The following DAB2IP variants were observed in gnomAD, a reference collection of about 807,000 sequenced individuals.
DAB2IP encodes DAB2 interacting protein, also known as disabled homolog 2-interacting protein.
In DAB2IP, 28 loss-of-function variants were observed where a neutral mutation model predicts 107.2. The ratio of observed to expected loss-of-function variants is 0.26; its 90% confidence interval spans 0.19 to 0.36. The LOEUF (loss-of-function observed/expected upper bound fraction) is 0.36, where lower values mean the gene tolerates loss of function less well. Ranked by LOEUF, DAB2IP falls within the 10% of genes least tolerant of loss-of-function variation. The pLI, the probability that DAB2IP is intolerant of heterozygous loss-of-function variation, is 1.00. For synonymous variants in DAB2IP, 755 were observed against 706.4 expected, an observed-to-expected ratio of 1.07 and a Z score of -1.09; for missense variants, 1,400 against 1,644.7, an observed-to-expected ratio of 0.85 and a Z score of 2.57.
At chr9:121,584,440 T>A (rs1401337560) in intron 1 of DAB2IP, among the ~76,000 whole-genome samples, 1 of 150,490 alleles carries the variant, frequency 6.6e-6, no homozygotes. Flanking sequence ...AAATGGGAGT[T>A]CCATGGCTCA....
chr9:121,768,846 C>G (rs1438608495), intron 10 of DAB2IP, among the ~76,000 whole-genome samples: 3 of 152,228 alleles, frequency 2.0e-5, no homozygotes, highest in Admixed American at 6.5e-5. Context: ...CTGCCCCACT[C>G]TGGGTACTAG....
At position 121,699,480 on chromosome 9, in the gene DAB2IP, G is replaced by T. The variant is rs1829647270; in HGVS notation, c.362+22G>T. 1.6e-6 allele frequency: 2 copies of T among 1,288,920 alleles called. No individual in the cohort carries two copies. The highest frequency in any genetic ancestry group is 1.6e-5 in the African/African-American group (1 of 62,518). The allele number at this position is 1,288,920 out of a possible 1,614,324, so 79.8% of individuals were successfully genotyped here. On this transcript the variant is annotated intron_variant, in intron 3 of 15. Transcript: ENST00000408936. The surrounding 1 kb of genome is among the most constrained non-coding windows in gnomAD (Gnocchi z 6.2). ...AGAGGTGAGCCCGCCGCCGCCGCCC[G>T]GTCCCCCGCGCCGCCGCCCCGGGCT...
Position 121,772,574 on chromosome 9 carries a change from C to T in DAB2IP, c.2079-33C>T, listed in dbSNP as rs1588001524. On this transcript the variant is annotated intron_variant, in intron 11 of 15. Coordinates refer to ENST00000408936, the Ensembl canonical transcript of DAB2IP. This position sits in a 1 kb window ranked among gnomAD's most constrained non-coding sequence, Gnocchi z 4.7. ...CTGCACTCACAGTTCTTCTTTTCCCCTTCTTTCCCTGTGTGTGCTTGTCTC... is the reference window on the plus strand; with the variant it reads ...CTGCACTCACAGTTCTTCTTTTCCCTTTCTTTCCCTGTGTGTGCTTGTCTC... 6 of 1,583,312 alleles carry T rather than the reference C, an allele frequency of 3.8e-6. No homozygotes were observed. Among genetic ancestry groups the T allele is most frequent in the East Asian group, 2.2e-5 (1 of 44,452 alleles).
chr9:121,750,166 C>T (rs1165441987), intron 3 of DAB2IP, among the ~76,000 whole-genome samples: 1 of 152,148 alleles, frequency 6.6e-6, no homozygotes, highest in African/African-American at 2.4e-5. Flanking sequence ...GAAACTGAGT[C>T]CTAGAGAGTC....
chr9:121,691,238 T>C (rs117973345), intron 2 of DAB2IP, among the ~76,000 whole-genome samples: 2,112 of 152,120 alleles, frequency 0.014, 22 homozygotes, highest in Middle Eastern at 0.024. Context: ...TACAGTCCAG[T>C]ATGGGGTGGG....
intron 1 of DAB2IP, among the ~76,000 whole-genome samples, chr9:121,668,196 ATT>A (rs11314701): frequency 1.6e-3 from 230 of 142,524 alleles, no homozygotes; most frequent in Non-Finnish European, 1.7e-3. Flanking sequence ...GCTGTTGTTG[ATT>A]TTTTTTTTTT....
intron 1 of DAB2IP, among the ~76,000 whole-genome samples, chr9:121,614,556 G>T (rs1014816399): frequency 1.3e-5 from 2 of 151,388 alleles, no homozygotes; most frequent in Non-Finnish European, 1.5e-5. Flanking sequence ...GGCCATGCTG[G>T]TCTCAAACTC....
chr9:121,766,631 CCTCA>C lies in DAB2IP; in HGVS notation c.1602_1605del (p.Leu535SerfsTer42). 1 of 1,614,196 alleles carries C rather than the reference CCTCA, an allele frequency of 6.2e-7. No individual in the cohort carries two copies. Among genetic ancestry groups the C allele is most frequent in the Non-Finnish European group, 8.5e-7 (1 of 1,180,036 alleles). ...TTCCTCTGCCCAGCCATCATGTCGC[CCTCA>C]CTCTTCAACCTGCTGCAGGAGTACC... On this transcript the variant is annotated frameshift_variant, in exon 9 of 16. Coordinates refer to ENST00000408936, the Ensembl canonical transcript of DAB2IP. LOFTEE classifies it high-confidence loss of function.
rs1269576211 is a variant in DAB2IP, at chr9:121,763,494, T to C, written c.1171-11T>C. On this transcript the variant is annotated splice_polypyrimidine_tract_variant and intron_variant, in intron 6 of 15. Transcript: ENST00000408936. ...CTCAGGTCCTGCTCTCTCCACCTCC[T>C]GCCTCCCCAGGACTTCCTGACAGAC... 6.2e-7 allele frequency: 1 copy of C among 1,608,262 alleles called. No homozygotes were observed.
chr9:121,568,913 C>T (rs1829868196), intron 1 of DAB2IP, among the ~76,000 whole-genome samples: 2 of 152,234 alleles, frequency 1.3e-5, no homozygotes, highest in African/African-American at 4.8e-5. Context: ...GCCCCATGCA[C>T]AATCAGCTCC....
At position 121,768,420 on chromosome 9, in the gene DAB2IP, C is replaced by T. The variant is rs1487080775; in HGVS notation, c.1698-12C>T. The T allele has an allele frequency of 3.1e-6, 5 of 1,614,002 alleles. No homozygotes were observed. The highest frequency in any genetic ancestry group is 4.2e-6 in the Non-Finnish European group (5 of 1,180,006). On this transcript the variant is annotated splice_polypyrimidine_tract_variant and intron_variant, in intron 9 of 15. Transcript: ENST00000408936. ...GGGCCCAGTAGTGCTCACCCAACTGCCCTCTCTCCAGATTTGGCAGCAAGG... is the reference window on the plus strand; with the variant it reads ...GGGCCCAGTAGTGCTCACCCAACTGTCCTCTCTCCAGATTTGGCAGCAAGG...
At position 121,775,576 on chromosome 9, in the gene DAB2IP, C is replaced by T. The variant is rs190667852; in HGVS notation, c.3121-622C>T. ...ACCTGACTCCTCTCTGCAGCCACGC[C>T]GCTTCCCAGCCTCGTCCACATCCCT... On this transcript the variant is annotated intron_variant, in intron 13 of 15. Transcript: ENST00000408936. Among the ~76,000 whole-genome samples, 412 of 152,304 alleles carry T rather than the reference C, an allele frequency of 2.7e-3. 3 individuals are homozygous for T. Among genetic ancestry groups the T allele is most frequent in the African/African-American group, 9.1e-3 (379 of 41,566 alleles).
At chr9:121,681,920 G>A (rs924511870) in intron 2 of DAB2IP, among the ~76,000 whole-genome samples, 1 of 152,222 alleles carries the variant, frequency 6.6e-6, no homozygotes, top group Non-Finnish European at 1.5e-5. Context: ...CTTGGTGAAT[G>A]TGGTCGCCCA....
intron 1 of DAB2IP, among the ~76,000 whole-genome samples, chr9:121,584,487 T>C (rs1052004899): frequency 1.3e-5 from 2 of 152,058 alleles, no homozygotes. Context: ...CTCTTCCCCT[T>C]GTAAAGACTA....
intron 1 of DAB2IP, among the ~76,000 whole-genome samples, chr9:121,593,587 T>A (rs890010030): frequency 1.3e-5 from 2 of 151,636 alleles, no homozygotes; most frequent in African/African-American, 4.9e-5. Flanking sequence ...GAATTTTTGA[T>A]CAGCCTCCCA....
intron 3 of DAB2IP, chr9:121,752,856 A>G (rs987950227): frequency 5.3e-5 from 8 of 152,346 alleles, no homozygotes; most frequent in South Asian, 2.1e-4. Flanking sequence ...GCCGGCTGCC[A>G]GTGTTTTCTG....
chr9:121,730,345 C>G (rs1460136476), intron 3 of DAB2IP, among the ~76,000 whole-genome samples: 2 of 152,222 alleles, frequency 1.3e-5, no homozygotes, highest in African/African-American at 4.8e-5. Flanking sequence ...ATTTGCTGTG[C>G]TCAGCTGTTT....
At chr9:121,674,724 G>A (rs1833820974) in intron 1 of DAB2IP, among the ~76,000 whole-genome samples, 1 of 152,116 alleles carries the variant, frequency 6.6e-6, no homozygotes, top group East Asian at 1.9e-4. Flanking sequence ...AGACCCAGGA[G>A]GCAAGAGGCA....
At chr9:121,742,886 C>T in intron 3 of DAB2IP, 1 of 985,464 alleles carries the variant, frequency 1.0e-6, no homozygotes, top group African/African-American at 1.7e-5. Context: ...TTCTGAGGCT[C>T]AAACTGAAAG....
Sources: gnomAD v4.1 joint callset for allele counts (sites outside exome capture counted in the v4.1 genomes callset) on GRCh38, gnomAD v4.1.1 for gene constraint, Gnocchi (gnomAD v3.1) non-coding constraint, MANE v1.5 for transcripts, NCBI Gene and HGNC (gene_info 2026-07-23, HGNC 2026-07-21) for gene names.